KIF6: variants seen among roughly 807,000 people sequenced by gnomAD.
KIF6 encodes the protein kinesin family member 6.
A neutral mutation model predicts 112.7 loss-of-function variants in KIF6; 106 were observed. The observed-to-expected ratio is 0.94, with a 90% CI of 0.80 to 1.11. The LOEUF is 1.11. Ranked by LOEUF, KIF6 falls within the 50% of genes least tolerant of loss-of-function variation. KIF6 has a pLI of 0.00. For synonymous variants in KIF6, 339 were observed against 339.9 expected, an observed-to-expected ratio of 1.00 and a Z score of 0.03; for missense variants, 929 against 964.0, an observed-to-expected ratio of 0.96 and a Z score of 0.48.
In KIF6 at chr6:39,357,291, G is replaced by A. The variant is rs765692235; in HGVS notation, c.2166C>T (p.Leu722=). Residue 722 remains leucine (L), a synonymous_variant, in exon 19 of 23, where the codon CTC becomes CTT. Transcript: ENST00000287152. ...TCTCACCTTACCTTTTGTTAGAGAGGAGTTGGGACCATTCATGCTGGGAGT... is the reference window on the plus strand; with the variant it reads ...TCTCACCTTACCTTTTGTTAGAGAGAAGTTGGGACCATTCATGCTGGGAGT... ...TSDSQHEWSQ[L]LSNKSSGGWE... 1 of 1,612,330 alleles carries A rather than the reference G, an allele frequency of 6.2e-7. No homozygotes were observed. Among genetic ancestry groups the A allele is most frequent in the Admixed American group, 1.7e-5 (1 of 59,980 alleles).
intron 6 of KIF6, among the ~76,000 whole-genome samples, chr6:39,598,174 G>A (rs1219609368): frequency 1.3e-5 from 2 of 152,058 alleles, no homozygotes; most frequent in East Asian, 1.9e-4. Flanking sequence ...GTGGCAGAGT[G>A]AGACTCCATC....
intron 15 of KIF6, among the ~76,000 whole-genome samples, chr6:39,414,311 T>C (rs1352814768): frequency 6.6e-6 from 1 of 152,222 alleles, no homozygotes; most frequent in Non-Finnish European, 1.5e-5. Flanking sequence ...TGAATTCTTT[T>C]GTATTTTTTG....
intron 10 of KIF6, among the ~76,000 whole-genome samples, chr6:39,561,429 G>C (rs868500423): frequency 5.9e-5 from 9 of 151,572 alleles, no homozygotes; most frequent in African/African-American, 2.2e-4. Flanking sequence ...TCGGCTCACT[G>C]CAACCTCCGC....
chr6:39,517,083 G>A (rs1425583583), intron 13 of KIF6, among the ~76,000 whole-genome samples: 3 of 152,120 alleles, frequency 2.0e-5, no homozygotes, highest in African/African-American at 7.2e-5. Context: ...CATCCATACT[G>A]TACTGAAATA....
Position 39,357,326 on chromosome 6 carries a change from G to A in KIF6, c.2131C>T (p.Gln711Ter), listed in dbSNP as rs930456055. Residue 711 changes from glutamine (Q) to a stop codon, truncating the protein, a stop_gained, in exon 19 of 23, where the codon CAG (glutamine) becomes TAG (stop). Transcript: ENST00000287152. LOFTEE classifies it high-confidence loss of function. ...NSLDHTKPFLQTSDSQHEWSQ... is the reference protein window; with the variant it reads ...NSLDHTKPFL ...CATTCATGCTGGGAGTCAGATGTCT[G>A]GAGAAATGGCTTCGTGTGATCGAGT... 4 of 1,613,898 alleles carry A rather than the reference G, an allele frequency of 2.5e-6. No individual in the cohort carries two copies. Among genetic ancestry groups the A allele is most frequent in the Non-Finnish European group, 3.4e-6 (4 of 1,179,918 alleles).
intron 13 of KIF6, among the ~76,000 whole-genome samples, chr6:39,437,155 T>C (rs1771585168): frequency 6.6e-6 from 1 of 152,226 alleles, no homozygotes; most frequent in Admixed American, 6.5e-5. Context: ...GAGTTCTTCA[T>C]TTGAGTCTCA....
At chr6:39,638,440 A>G (rs1222603362) in intron 4 of KIF6, among the ~76,000 whole-genome samples, 1 of 152,158 alleles carries the variant, frequency 6.6e-6, no homozygotes, top group Non-Finnish European at 1.5e-5. Flanking sequence ...ATGTGGGAAC[A>G]AAACAGGCAA....
Position 39,343,592 on chromosome 6 carries a change from C to T in KIF6, c.2428+117G>A. 8.7e-7 allele frequency: 1 copy of T among 1,151,752 alleles called. No homozygotes were observed. Among genetic ancestry groups the T allele is most frequent in the Non-Finnish European group, 1.2e-6 (1 of 817,206 alleles). The allele number at this position is 1,151,752 out of a possible 1,614,324, so 71.3% of individuals were successfully genotyped here. Reference sequence around the variant, plus strand: ...ACATGTGACTGACAGGCAGGCCAGTCCTGTGGCTTCAGGAATATGCAGGAA... The same window carrying T: ...ACATGTGACTGACAGGCAGGCCAGTTCTGTGGCTTCAGGAATATGCAGGAA... On this transcript the variant is annotated intron_variant, in intron 22 of 22. Coordinates refer to ENST00000287152, the MANE Select transcript of KIF6 (RefSeq NM_145027.6). The surrounding 1 kb of genome is among the most constrained non-coding windows in gnomAD (Gnocchi z 4.1).
intron 16 of KIF6, among the ~76,000 whole-genome samples, chr6:39,370,561 G>A (rs80075464): frequency 0.036 from 5,436 of 152,278 alleles, 320 homozygotes; most frequent in African/African-American, 0.12. Flanking sequence ...AGACCACACA[G>A]TAGAACTGGC....
chr6:39,516,809 A>T (rs1030751959), intron 13 of KIF6, among the ~76,000 whole-genome samples: 1 of 152,138 alleles, frequency 6.6e-6, no homozygotes, highest in African/African-American at 2.4e-5. Flanking sequence ...GGCCTTAATG[A>T]TACAATGCCT....
At chr6:39,503,373 C>T (rs948811997) in intron 13 of KIF6, among the ~76,000 whole-genome samples, 1 of 151,982 alleles carries the variant, frequency 6.6e-6, no homozygotes, top group African/African-American at 2.4e-5. Flanking sequence ...GCACTAAATG[C>T]CCACATCAAA....
At chr6:39,391,504 G>C (rs1767893265) in intron 15 of KIF6, among the ~76,000 whole-genome samples, 1 of 152,124 alleles carries the variant, frequency 6.6e-6, no homozygotes, top group South Asian at 2.1e-4. Context: ...CTCTATACAG[G>C]GTCTGCTCAT....
rs1762835621 is a variant in KIF6, at chr6:39,334,265, A to C, written c.*2267T>G. On this transcript the variant is annotated 3_prime_UTR_variant, in exon 23 of 23. Transcript: ENST00000287152. ...GTAAGGCCTTTGGATCCAGGAGATG[A>C]TGTCTCAGTGGGAGATCTAATGTTG... is the stretch of plus-strand genomic sequence containing the variant. 1 of 152,244 alleles carries C rather than the reference A, an allele frequency of 6.6e-6. No individual in the cohort carries two copies. The highest frequency in any genetic ancestry group is 1.5e-5 in the Non-Finnish European group (1 of 68,058). 9.4% of individuals were successfully genotyped at this position (152,244 alleles called of 1,614,324 possible). A position where few individuals can be genotyped will look rare whatever the true frequency, so the allele number is the denominator to read the frequency against.
intron 19 of KIF6, among the ~76,000 whole-genome samples, chr6:39,350,987 G>A (rs1236496823): frequency 6.6e-6 from 1 of 152,144 alleles, no homozygotes; most frequent in Non-Finnish European, 1.5e-5. Context: ...CTCGCCGGCA[G>A]CAACCACAGG....
intron 13 of KIF6, among the ~76,000 whole-genome samples, chr6:39,514,828 T>C (rs1447221120): frequency 6.6e-6 from 1 of 152,220 alleles, no homozygotes; most frequent in Non-Finnish European, 1.5e-5. Context: ...TCAGGTTAAA[T>C]GAATGGATGG....
chr6:39,367,316 G>C (rs1014359034), intron 16 of KIF6, among the ~76,000 whole-genome samples: 11 of 152,110 alleles, frequency 7.2e-5, no homozygotes, highest in Non-Finnish European at 1.3e-4. Context: ...CCATCCCCAC[G>C]GGGACTCTGG....
chr6:39,498,348 C>A (rs371684791), intron 13 of KIF6, among the ~76,000 whole-genome samples: 1 of 152,196 alleles, frequency 6.6e-6, no homozygotes, highest in East Asian at 1.9e-4. Flanking sequence ...ATCCTTCTCC[C>A]CTAGGTGACA....
At chr6:39,561,984 T>C (rs1780031870) in intron 10 of KIF6, among the ~76,000 whole-genome samples, 2 of 152,260 alleles carry the variant, frequency 1.3e-5, no homozygotes, top group Admixed American at 6.5e-5. Flanking sequence ...TCTGCTATTC[T>C]TCTTTGGCTG....
intron 7 of KIF6, among the ~76,000 whole-genome samples, chr6:39,595,580 A>G (rs538196582): frequency 6.6e-6 from 1 of 152,392 alleles, no homozygotes; most frequent in African/African-American, 2.4e-5. Context: ...ATGAATGTAT[A>G]AACAGCATGT....
Sources: gnomAD v4.1 joint callset for allele counts (sites outside exome capture counted in the v4.1 genomes callset) on GRCh38, gnomAD v4.1.1 for gene constraint, Gnocchi (gnomAD v3.1) non-coding constraint, MANE v1.5 for transcripts, NCBI Gene and HGNC (gene_info 2026-07-23, HGNC 2026-07-21) for gene names.